ENOX1: variants seen among roughly 807,000 people sequenced by gnomAD.
ENOX1 encodes the protein candidate growth-related and time keeping constitutive hydroquinone (NADH) oxidase.
Under a neutral mutation model 82.5 loss-of-function variants are expected in ENOX1, and 42 were observed. The ratio of observed to expected loss-of-function variants is 0.51; its 90% CI spans 0.40 to 0.66. The LOEUF is 0.66. ENOX1 is among the 30% of genes least tolerant of loss of function. ENOX1 has a pLI of 0.00. For missense variants in ENOX1, 608 were observed against 811.6 expected (o/e 0.75, Z 3.05); for synonymous variants, 271 against 282.2 (o/e 0.96, Z 0.40).
intron 3 of ENOX1, among the ~76,000 whole-genome samples, chr13:43,471,300 G>T (rs1403407819): frequency 6.6e-6 from 1 of 151,894 alleles, no homozygotes; most frequent in Non-Finnish European, 1.5e-5. Context: ...TACTGGGAGG[G>T]GCCTGCAGGA....
intron 5 of ENOX1, among the ~76,000 whole-genome samples, chr13:43,378,612 A>G (rs1275287092): frequency 4.6e-5 from 7 of 152,332 alleles, no homozygotes; most frequent in Admixed American, 2.6e-4. Flanking sequence ...GGACAAAACT[A>G]GCCCTAGACA....
chr13:43,275,452 A>G (rs1366518209), intron 12 of ENOX1, among the ~76,000 whole-genome samples: 1 of 152,174 alleles, frequency 6.6e-6, no homozygotes, highest in Admixed American at 6.5e-5. Flanking sequence ...CTTTGGCAGG[A>G]TAGTGTGGGG....
intron 2 of ENOX1, among the ~76,000 whole-genome samples, chr13:43,634,058 T>C (rs1227973344): frequency 6.6e-6 from 1 of 152,188 alleles, no homozygotes; most frequent in Non-Finnish European, 1.5e-5. Flanking sequence ...GTTTATTTAC[T>C]GTTGAACTGG....
At chr13:43,724,310 C>A (rs552957129) in intron 1 of ENOX1, among the ~76,000 whole-genome samples, 1 of 152,330 alleles carries the variant, frequency 6.6e-6, no homozygotes, top group East Asian at 1.9e-4. Flanking sequence ...CCCTAGGACA[C>A]AGAATGCTGA....
At chr13:43,291,736 A>C (rs2046011366) in intron 12 of ENOX1, among the ~76,000 whole-genome samples, 1 of 152,230 alleles carries the variant, frequency 6.6e-6, no homozygotes, top group African/African-American at 2.4e-5. Context: ...GCTCCTGTTC[A>C]AGATGTCAGA....
At chr13:43,365,491 T>G (rs995433865) in intron 5 of ENOX1, among the ~76,000 whole-genome samples, 8 of 152,020 alleles carry the variant, frequency 5.3e-5, no homozygotes, top group Non-Finnish European at 1.0e-4. Context: ...AAAACACAGG[T>G]CCAGGTGGGG....
At chr13:43,218,465 A>C (rs774669303) in intron 16 of ENOX1, among the ~76,000 whole-genome samples, 3 of 152,152 alleles carry the variant, frequency 2.0e-5, no homozygotes, top group Non-Finnish European at 4.4e-5. Flanking sequence ...AATCTCTACA[A>C]AACATACAAA....
intron 1 of ENOX1, among the ~76,000 whole-genome samples, chr13:43,749,107 T>C (rs959564048): frequency 1.3e-5 from 2 of 152,230 alleles, no homozygotes; most frequent in African/African-American, 4.8e-5. Flanking sequence ...TTACTAGCTA[T>C]TATTACCAAC....
chr13:43,345,927 G>A (rs1167383573), intron 8 of ENOX1, among the ~76,000 whole-genome samples: 1 of 152,058 alleles, frequency 6.6e-6, no homozygotes, highest in Non-Finnish European at 1.5e-5. Context: ...TCCACTGGAG[G>A]GGCATCGGAG....
At chr13:43,516,273 A>C (rs761410854) in intron 2 of ENOX1, among the ~76,000 whole-genome samples, 1 of 152,200 alleles carries the variant, frequency 6.6e-6, no homozygotes, top group Non-Finnish European at 1.5e-5. Flanking sequence ...CTGGAGATCA[A>C]TCCAGTATCA....
chr13:43,756,247 C>G (rs896869734), intron 1 of ENOX1, among the ~76,000 whole-genome samples: 1 of 151,912 alleles, frequency 6.6e-6, no homozygotes, highest in African/African-American at 2.4e-5. Context: ...GACACTATGG[C>G]AAAACCCCAT....
At chr13:43,766,293 T>C (rs1316580044) in intron 1 of ENOX1, among the ~76,000 whole-genome samples, 4 of 152,154 alleles carry the variant, frequency 2.6e-5, no homozygotes, top group Non-Finnish European at 5.9e-5. Context: ...GTGATAATGG[T>C]CTCATATTTC....
intron 12 of ENOX1, among the ~76,000 whole-genome samples, chr13:43,292,860 C>G (rs1381514466): frequency 6.6e-6 from 1 of 151,966 alleles, no homozygotes; most frequent in African/African-American, 2.4e-5. Flanking sequence ...CCATTTCTAC[C>G]CCAGTCACCA....
intron 14 of ENOX1, among the ~76,000 whole-genome samples, chr13:43,259,289 G>A (rs550235707): frequency 6.6e-6 from 1 of 152,264 alleles, no homozygotes; most frequent in South Asian, 2.1e-4. Flanking sequence ...ATGTTTGTGG[G>A]TGTACCAAGT....
chr13:43,424,791 T>A (rs1417792698), intron 3 of ENOX1, among the ~76,000 whole-genome samples: 1 of 152,168 alleles, frequency 6.6e-6, no homozygotes, highest in Non-Finnish European at 1.5e-5. Context: ...GTGATGGTCC[T>A]TTTTGCTTCT....
chr13:43,412,124 C>A, intron 4 of ENOX1, 71 bp from the exon 5 acceptor site: 1 of 1,555,648 alleles, frequency 6.4e-7, no homozygotes, highest in Non-Finnish European at 8.8e-7. Flanking sequence ...AATCACATTT[C>A]TAGATATGTG....
chr13:43,447,854 T>TAAA (rs2153628560), intron 3 of ENOX1, among the ~76,000 whole-genome samples: 1 of 152,346 alleles, frequency 6.6e-6, no homozygotes, highest in African/African-American at 2.4e-5. Flanking sequence ...TATTAAAATG[T>TAAA]GTTTGTGTTC....
intron 2 of ENOX1, among the ~76,000 whole-genome samples, chr13:43,562,254 GT>G (rs2079712957): frequency 1.3e-5 from 2 of 152,012 alleles, no homozygotes; most frequent in Non-Finnish European, 1.5e-5. Flanking sequence ...AAAGTGTAGA[GT>G]TTTTTAATAC....
At chr13:43,315,584 C>G (rs1386976741) in intron 11 of ENOX1, among the ~76,000 whole-genome samples, 2 of 152,206 alleles carry the variant, frequency 1.3e-5, no homozygotes, top group African/African-American at 4.8e-5. Flanking sequence ...TAAATTCCAA[C>G]AACACTGTGT....
Sources: gnomAD v4.1 joint callset for allele counts (sites outside exome capture counted in the v4.1 genomes callset) on GRCh38, gnomAD v4.1.1 for gene constraint, MANE v1.5 for transcripts, NCBI Gene and HGNC (gene_info 2026-07-23, HGNC 2026-07-21) for gene names.